Variants in KANK1 observed in about 807,000 individuals in gnomAD.
KANK1 encodes KN motif and ankyrin repeat domain-containing protein 1.
Under a neutral mutation model 106.2 loss-of-function variants are expected in KANK1, and 109 were observed. That is an observed-to-expected ratio of 1.03 (90% confidence interval 0.88 to 1.20). The LOEUF (loss-of-function observed/expected upper bound fraction) is 1.20, where lower values mean the gene tolerates loss of function less well. Ranked by LOEUF, KANK1 falls within the 50% of genes most tolerant of loss-of-function variation. The pLI is 0.00. For synonymous variants in KANK1, 873 were observed against 652.2 expected (o/e 1.34, Z -5.16); for missense variants, 2,399 against 1,710.7 (o/e 1.40, Z -7.10).
intron 1 of KANK1, among the ~76,000 whole-genome samples, chr9:657,910 T>A (rs185417886): frequency 3.3e-5 from 5 of 151,884 alleles, no homozygotes; most frequent in African/African-American, 1.2e-4. Flanking sequence ...TGGTATAGGC[T>A]CTCCCTAAAT....
At chr9:590,505 A>G (rs559816573) in intron 1 of KANK1, among the ~76,000 whole-genome samples, 2 of 152,274 alleles carry the variant, frequency 1.3e-5, no homozygotes, top group Non-Finnish European at 1.5e-5. Context: ...TAGAGACTTC[A>G]TGCATTATTA....
intron 2 of KANK1, among the ~76,000 whole-genome samples, chr9:684,745 A>G (rs1307791652): frequency 1.3e-5 from 2 of 152,166 alleles, no homozygotes; most frequent in African/African-American, 2.4e-5. Context: ...GTTTCTGAGA[A>G]AGGTTTGTAT....
intron 2 of KANK1, chr9:686,668 C>T: frequency 2.7e-6 from 2 of 752,104 alleles, no homozygotes; most frequent in South Asian, 1.2e-4. Context: ...TCCAAGTCTG[C>T]CCCAGGGACA....
At chr9:656,514 G>C (rs2137827178) in intron 1 of KANK1, among the ~76,000 whole-genome samples, 1 of 152,248 alleles carries the variant, frequency 6.6e-6, no homozygotes, top group African/African-American at 2.4e-5. Flanking sequence ...TCATTGGTCA[G>C]TCTGTGACCA....
In KANK1 at chr9:684,713, T is replaced by A. The variant is rs547164079; in HGVS notation, c.37+7704T>A. ...GCCTTCTTCCTGTGTCTGGGATAATTTCAGTTCATCTCCTTTGTGCAGTTT... is the reference window on the plus strand; with the variant it reads ...GCCTTCTTCCTGTGTCTGGGATAATATCAGTTCATCTCCTTTGTGCAGTTT... On this transcript the variant is annotated intron_variant, in intron 2 of 11. Transcript: ENST00000382297. 14 of 356,284 alleles carry A rather than the reference T, an allele frequency of 3.9e-5. No homozygotes were observed. The East Asian group carries it at 2.3e-3, about 60-fold the overall frequency. 22.1% of individuals were successfully genotyped at this position (356,284 alleles called of 1,614,324 possible). A position where few individuals can be genotyped will look rare whatever the true frequency, so the allele number is the denominator to read the frequency against.
At chr9:639,388 C>T (rs1319855702) in intron 1 of KANK1, among the ~76,000 whole-genome samples, 1 of 152,126 alleles carries the variant, frequency 6.6e-6, no homozygotes, top group Non-Finnish European at 1.5e-5. Flanking sequence ...TGCAGTGGCA[C>T]GATCTGCAAC....
At chr9:611,109 C>A (rs1336105970) in intron 1 of KANK1, among the ~76,000 whole-genome samples, 1 of 152,120 alleles carries the variant, frequency 6.6e-6, no homozygotes, top group Admixed American at 6.6e-5. Context: ...ATCTCCATCC[C>A]CAAGACCTGA....
chr9:571,368 T>C (rs1819121678), intron 1 of KANK1, among the ~76,000 whole-genome samples: 2 of 152,232 alleles, frequency 1.3e-5, no homozygotes, highest in South Asian at 4.1e-4. Flanking sequence ...CACGTGTTAA[T>C]GGATTTGTTC....
chr9:696,673 G>T (rs554392152), intron 2 of KANK1, among the ~76,000 whole-genome samples: 1 of 152,250 alleles, frequency 6.6e-6, no homozygotes, highest in East Asian at 1.9e-4. Flanking sequence ...TTGACATTTC[G>T]TGCCACAGAA....
intron 1 of KANK1, among the ~76,000 whole-genome samples, chr9:651,351 C>A (rs1374046884): frequency 3.3e-5 from 5 of 152,064 alleles, no homozygotes; most frequent in Admixed American, 6.6e-5. Context: ...AATTTTCTGT[C>A]TTTTTATATA....
intron 1 of KANK1, among the ~76,000 whole-genome samples, chr9:580,056 T>C (rs777745952): frequency 2.6e-5 from 4 of 152,146 alleles, no homozygotes; most frequent in Non-Finnish European, 5.9e-5. Flanking sequence ...TTAAAGATGG[T>C]GTGTCCGAAG....
chr9:575,359 C>G (rs955261460), intron 1 of KANK1, among the ~76,000 whole-genome samples: 1 of 152,300 alleles, frequency 6.6e-6, no homozygotes, highest in African/African-American at 2.4e-5. Flanking sequence ...CTTCATGAGA[C>G]TTCTGTTTTA....
chr9:524,621 G>T (rs541639757), intron 1 of KANK1, among the ~76,000 whole-genome samples: 21 of 151,288 alleles, frequency 1.4e-4, no homozygotes, highest in African/African-American at 4.6e-4. Context: ...AGGTTCAAGC[G>T]ATTCTTTTGC....
chr9:535,415 A>G (rs1359033790), intron 1 of KANK1, among the ~76,000 whole-genome samples: 1 of 152,174 alleles, frequency 6.6e-6, no homozygotes, highest in Non-Finnish European at 1.5e-5. Flanking sequence ...CTTTCTCTCC[A>G]GATAGAGAAA....
chr9:616,409 A>G (rs1464401424), intron 1 of KANK1, among the ~76,000 whole-genome samples: 1 of 152,218 alleles, frequency 6.6e-6, no homozygotes, highest in Non-Finnish European at 1.5e-5. Flanking sequence ...ATCAAACTGC[A>G]TAGCCAGATC....
At chr9:538,827 A>G (rs973201220) in intron 1 of KANK1, among the ~76,000 whole-genome samples, 4 of 152,170 alleles carry the variant, frequency 2.6e-5, no homozygotes, top group African/African-American at 7.2e-5. Context: ...CATAGTAAGT[A>G]CTTCATAAAT....
At chr9:669,850 C>T (rs1028343828) in intron 1 of KANK1, among the ~76,000 whole-genome samples, 3 of 152,006 alleles carry the variant, frequency 2.0e-5, no homozygotes, top group African/African-American at 7.3e-5. Flanking sequence ...TCTTGAACAC[C>T]AATAATTCTT....
At chr9:525,221 C>A (rs1291387514) in intron 1 of KANK1, among the ~76,000 whole-genome samples, 1 of 150,904 alleles carries the variant, frequency 6.6e-6, no homozygotes, top group Admixed American at 6.6e-5. Context: ...TCTCAAACTC[C>A]TGCCCTCAGG....
intron 1 of KANK1, among the ~76,000 whole-genome samples, chr9:575,744 G>A (rs917698562): frequency 2.0e-5 from 3 of 150,976 alleles, no homozygotes; most frequent in Admixed American, 6.6e-5. Flanking sequence ...AAGCTTGGCC[G>A]GGCACAGTGG....
Sources: allele counts gnomAD v4.1 joint callset (sites outside exome capture counted in the v4.1 genomes callset), GRCh38; gene constraint gnomAD v4.1.1; transcripts MANE v1.5; gene names NCBI Gene and HGNC (gene_info 2026-07-23, HGNC 2026-07-21).